Variants in SDK1 observed in about 807,000 individuals in gnomAD.
The protein encoded by SDK1 is sidekick cell adhesion molecule 1, also known as protein sidekick-1.
In SDK1, 157 loss-of-function variants were observed where a neutral mutation model predicts 245.5. The ratio of observed to expected loss-of-function variants is 0.64; its 90% confidence interval spans 0.56 to 0.73. SDK1 has a LOEUF of 0.73. Ranked by LOEUF, SDK1 falls within the 30% of genes least tolerant of loss-of-function variation. The pLI, the probability that SDK1 is intolerant of heterozygous loss-of-function variation, is 0.00. For missense variants in SDK1, 3,583 were observed against 3,002.3 expected, an observed-to-expected ratio of 1.19 and a Z score of -4.52; for synonymous variants, 1,647 against 1,278.5, an observed-to-expected ratio of 1.29 and a Z score of -6.15.
intron 5 of SDK1, among the ~76,000 whole-genome samples, chr7:3,864,864 G>T (rs1262015430): frequency 3.3e-5 from 5 of 152,196 alleles, no homozygotes; most frequent in Non-Finnish European, 5.9e-5. Context: ...TACCAGTAGT[G>T]ACGATAGTGC....
chr7:3,621,033 A>T (rs1781922439), intron 2 of SDK1, among the ~76,000 whole-genome samples: 1 of 152,138 alleles, frequency 6.6e-6, no homozygotes, highest in Non-Finnish European at 1.5e-5. Flanking sequence ...GTGACCCATG[A>T]GCCCTCCCCT....
intron 20 of SDK1, among the ~76,000 whole-genome samples, chr7:4,074,747 C>T (rs1478265694): frequency 6.6e-6 from 1 of 150,670 alleles, no homozygotes. Context: ...CCTATAGTAC[C>T]AGCTACTTGA....
chr7:3,598,449 A>G (rs952043015), intron 1 of SDK1, among the ~76,000 whole-genome samples: 4 of 152,188 alleles, frequency 2.6e-5, no homozygotes, highest in Non-Finnish European at 5.9e-5. Context: ...TAGAAGTAAT[A>G]CACAGAGATC....
intron 5 of SDK1, among the ~76,000 whole-genome samples, chr7:3,915,160 G>C (rs1056085272): frequency 6.6e-6 from 1 of 152,212 alleles, no homozygotes; most frequent in East Asian, 1.9e-4. Flanking sequence ...TGCAAATGAC[G>C]TGGTAGGAGC....
At chr7:3,562,324 T>C (rs1179243339) in intron 1 of SDK1, among the ~76,000 whole-genome samples, 1 of 152,242 alleles carries the variant, frequency 6.6e-6, no homozygotes, top group African/African-American at 2.4e-5. Flanking sequence ...AACATGTTCA[T>C]AAAAAGTACT....
chr7:3,426,151 C>A (rs1057177543), intron 1 of SDK1, among the ~76,000 whole-genome samples: 1 of 152,104 alleles, frequency 6.6e-6, no homozygotes, highest in African/African-American at 2.4e-5. Context: ...CAGTTGATTC[C>A]GTGTTTTTTG....
chr7:3,931,034 ATTTCT>A (rs1035356946), intron 5 of SDK1, among the ~76,000 whole-genome samples: 84 of 152,340 alleles, frequency 5.5e-4, no homozygotes, highest in South Asian at 1.9e-3. Flanking sequence ...ATGTATAATC[ATTTCT>A]TTTCTAAATA....
chr7:3,999,073 C>A (rs909971290), intron 14 of SDK1, among the ~76,000 whole-genome samples: 3 of 152,144 alleles, frequency 2.0e-5, no homozygotes, highest in Non-Finnish European at 4.4e-5. Flanking sequence ...TGCAGATTTT[C>A]ACTTTAGAAT....
chr7:3,848,175 A>G (rs906060240), intron 5 of SDK1, among the ~76,000 whole-genome samples: 1 of 152,234 alleles, frequency 6.6e-6, no homozygotes, highest in Non-Finnish European at 1.5e-5. Context: ...TATATTACAA[A>G]CTTCATAAAT....
intron 1 of SDK1, among the ~76,000 whole-genome samples, chr7:3,308,374 A>G (rs2128542529): frequency 6.6e-6 from 1 of 152,290 alleles, no homozygotes; most frequent in Middle Eastern, 3.4e-3. Context: ...TGTGCTTAAC[A>G]TAATGTTATG....
intron 13 of SDK1, among the ~76,000 whole-genome samples, chr7:3,978,558 C>G (rs1312102861): frequency 1.3e-5 from 2 of 152,136 alleles, no homozygotes; most frequent in Non-Finnish European, 2.9e-5. Context: ...CTCCTCTATC[C>G]CAAACCTGGA....
intron 19 of SDK1, 45 bp downstream of exon 19, chr7:4,051,875 G>A (rs1294690793): frequency 3.9e-6 from 6 of 1,533,846 alleles, no homozygotes; most frequent in Middle Eastern, 1.7e-4. Flanking sequence ...TTGTCAAAGA[G>A]GTGTATACCG....
intron 14 of SDK1, among the ~76,000 whole-genome samples, chr7:3,987,960 C>T (rs1323295750): frequency 2.0e-5 from 3 of 151,992 alleles, no homozygotes; most frequent in Non-Finnish European, 4.4e-5. Flanking sequence ...CCTGGGAAAT[C>T]GCATGCACTC....
chr7:3,746,165 A>G (rs1044450880), intron 4 of SDK1, among the ~76,000 whole-genome samples: 1 of 152,248 alleles, frequency 6.6e-6, no homozygotes, highest in Non-Finnish European at 1.5e-5. Flanking sequence ...TTTGGTTTCC[A>G]GTGCATATAA....
chr7:3,415,721 ATG>A (rs1779346242), intron 1 of SDK1, among the ~76,000 whole-genome samples: 1 of 149,528 alleles, frequency 6.7e-6, no homozygotes, highest in South Asian at 2.1e-4. Context: ...TTATATATAA[ATG>A]TATATATATA....
chr7:3,873,437 T>C (rs946091384), intron 5 of SDK1, among the ~76,000 whole-genome samples: 2 of 152,172 alleles, frequency 1.3e-5, no homozygotes, highest in African/African-American at 2.4e-5. Flanking sequence ...TTTTGTTTTG[T>C]TTTGTTTTGC....
intron 5 of SDK1, among the ~76,000 whole-genome samples, chr7:3,891,653 C>A (rs1173511752): frequency 1.3e-5 from 2 of 152,098 alleles, no homozygotes; most frequent in Admixed American, 6.5e-5. Context: ...TCCAACAGGC[C>A]AAATTCTGGG....
At chr7:3,326,583 G>C (rs757423489) in intron 1 of SDK1, among the ~76,000 whole-genome samples, 3 of 152,096 alleles carry the variant, frequency 2.0e-5, no homozygotes, top group African/African-American at 7.2e-5. Context: ...GCTGCCCTTT[G>C]GAAAGGTAGT....
chr7:4,212,417 GA>G (rs138931513), intron 38 of SDK1, among the ~76,000 whole-genome samples: 22 of 149,368 alleles, frequency 1.5e-4, no homozygotes, highest in South Asian at 2.1e-4. Context: ...ATCCGAGAAA[GA>G]AAAAAAAAAT....
Sources: gnomAD v4.1 joint callset for allele counts (sites outside exome capture counted in the v4.1 genomes callset) on GRCh38, gnomAD v4.1.1 for gene constraint, MANE v1.5 for transcripts, NCBI Gene and HGNC (gene_info 2026-07-23, HGNC 2026-07-21) for gene names.